Variants in SLC25A53 observed in about 807,000 individuals in gnomAD.
The protein encoded by SLC25A53 is solute carrier family 25 member 53, also known as mitochondrial carrier triple repeat protein 6.
A neutral mutation model predicts 15.0 loss-of-function variants in SLC25A53; 5 were observed. That is an observed-to-expected ratio of 0.33 (90% CI 0.17 to 0.70). The LOEUF (loss-of-function observed/expected upper bound fraction) is 0.70. SLC25A53 is among the 30% of genes least tolerant of loss of function. SLC25A53 has a pLI of 0.67. For missense variants in SLC25A53, 216 were observed against 241.6 expected (o/e 0.89, Z 0.70); for synonymous variants, 95 against 100.0 (o/e 0.95, Z 0.30).
At chrX:104,148,413 G>A (rs782610330) in intron 1 of SLC25A53, among the ~76,000 whole-genome samples, 12 of 109,431 alleles carry the variant, frequency 1.1e-4, no homozygotes, top group South Asian at 4.0e-4. Flanking sequence ...TAACAAACCC[G>A]CACGTTGTGC....
Position 104,148,586 on chromosome X carries a change from A to G in SLC25A53, c.-32+8292T>C, listed in dbSNP as rs147650497. 1.1e-3 allele frequency among the ~76,000 whole-genome samples: 126 copies of G among 111,091 alleles called. No individual in the cohort carries two copies. In the East Asian group the frequency reaches 0.033, roughly 29 times the overall value. On this transcript the variant is annotated intron_variant, in intron 1 of 1. Transcript: ENST00000594199. The stretch of plus-strand genomic sequence containing the variant: ...TTCTCAGCAAACTATCACAAGGACA[A>G]AAAACCAAACACTGCATGTTCTCAC...
chrX:104,140,322 CGTGTGTGTGTGT>C (rs55930796), intron 1 of SLC25A53, among the ~76,000 whole-genome samples: 4 of 100,893 alleles, frequency 4.0e-5, no homozygotes, highest in Non-Finnish European at 8.0e-5. Context: ...GACAGGATTC[CGTGTGTGTGTGT>C]GTGTGTGTGT....
chrX:104,156,215 A>G (rs989383910), intron 1 of SLC25A53, among the ~76,000 whole-genome samples: 15 of 111,483 alleles, frequency 1.3e-4, no homozygotes, highest in African/African-American at 4.6e-4. Flanking sequence ...TCTTCAAAAT[A>G]TATGTTAAAT....
At chrX:104,136,833 T>A (rs1307123187) in intron 1 of SLC25A53, among the ~76,000 whole-genome samples, 1 of 111,881 alleles carries the variant, frequency 8.9e-6, no homozygotes, top group Non-Finnish European at 1.9e-5. Context: ...CATTCATTCA[T>A]GCACCCAACA....
intron 1 of SLC25A53, among the ~76,000 whole-genome samples, chrX:104,143,353 G>GA (rs1303918414): frequency 1.3e-4 from 14 of 111,581 alleles, no homozygotes; most frequent in Non-Finnish European, 2.4e-4. Context: ...TAAGAACCTT[G>GA]AAAAAAGGTT....
At chrX:104,139,444 G>A (rs782654438) in intron 1 of SLC25A53, among the ~76,000 whole-genome samples, 8 of 111,149 alleles carry the variant, frequency 7.2e-5, no homozygotes, top group Non-Finnish European at 1.3e-4. Flanking sequence ...TAGAACCTGG[G>A]AGGTGGAGGT....
intron 1 of SLC25A53, among the ~76,000 whole-genome samples, chrX:104,126,712 C>T (rs1447470287): frequency 2.7e-5 from 3 of 111,521 alleles, no homozygotes; most frequent in African/African-American, 9.8e-5. Flanking sequence ...TAGAATTTCA[C>T]CAAAAAGAAT....
intron 1 of SLC25A53, among the ~76,000 whole-genome samples, chrX:104,152,306 C>T (rs1410614035): frequency 2.0e-5 from 2 of 101,588 alleles, no homozygotes; most frequent in African/African-American, 7.3e-5. Context: ...CAATTCCCAC[C>T]TGTGAGTGAG....
chrX:104,112,425 C>G (rs1457794514), intron 1 of SLC25A53: 2 of 114,060 alleles, frequency 1.8e-5, no homozygotes, highest in Non-Finnish European at 3.7e-5. Flanking sequence ...CCAGCCGGCC[C>G]GCTCCCCCTT....
chrX:104,114,532 C>T (rs2075366885), intron 1 of SLC25A53: 2 of 1,209,859 alleles, frequency 1.7e-6, no homozygotes. Context: ...CCTGCAGGCA[C>T]AAGGGGAGAA....
chrX:104,120,040 C>T (rs2075388662), intron 1 of SLC25A53, among the ~76,000 whole-genome samples: 1 of 111,974 alleles, frequency 8.9e-6, no homozygotes, highest in Non-Finnish European at 1.9e-5. Context: ...AACCTGGTTG[C>T]ATGCGGCATC....
At chrX:104,144,639 C>T (rs781822566) in intron 1 of SLC25A53, among the ~76,000 whole-genome samples, 1 of 111,428 alleles carries the variant, frequency 9.0e-6, no homozygotes, top group African/African-American at 3.3e-5. Flanking sequence ...CCTATGCTGA[C>T]GAGCCTTTGG....
At chrX:104,114,411 G>T in intron 1 of SLC25A53, 1 of 1,212,018 alleles carries the variant, frequency 8.3e-7, no homozygotes, top group Non-Finnish European at 1.1e-6. Context: ...TCATGCGTTT[G>T]CTTCAGGCGG....
chrX:104,138,981 G>T (rs1168587828), intron 1 of SLC25A53, among the ~76,000 whole-genome samples: 1 of 112,192 alleles, frequency 8.9e-6, no homozygotes, highest in Non-Finnish European at 1.9e-5. Context: ...AGGCCAGGGT[G>T]GTCTTGGGAA....
At chrX:104,109,458 G>C (rs1305565547) in intron 1 of SLC25A53, among the ~76,000 whole-genome samples, 2 of 112,379 alleles carry the variant, frequency 1.8e-5, no homozygotes, top group African/African-American at 6.5e-5. Flanking sequence ...GCTTAGCACA[G>C]CACCTGGTAT....
intron 1 of SLC25A53, among the ~76,000 whole-genome samples, chrX:104,124,970 G>C (rs1243129323): frequency 2.0e-5 from 2 of 102,228 alleles, no homozygotes; most frequent in Non-Finnish European, 3.9e-5. Flanking sequence ...AGCCTTCCTA[G>C]TAGCTGGGAT....
intron 1 of SLC25A53, among the ~76,000 whole-genome samples, chrX:104,141,728 C>T (rs782796632): frequency 9.0e-6 from 1 of 111,107 alleles, no homozygotes; most frequent in African/African-American, 3.3e-5. Flanking sequence ...GCTGGGACCA[C>T]AGGCATGCAC....
intron 1 of SLC25A53, among the ~76,000 whole-genome samples, chrX:104,142,174 G>A (rs1293781342): frequency 2.7e-5 from 3 of 111,186 alleles, no homozygotes; most frequent in Non-Finnish European, 5.7e-5. Flanking sequence ...GAGCCTGGGA[G>A]TTGAGGCTGC....
At chrX:104,115,781 A>G (rs972358810) in intron 1 of SLC25A53, 1 of 125,574 alleles carries the variant, frequency 8.0e-6, no homozygotes, top group Non-Finnish European at 1.8e-5. Context: ...TATACTGTGT[A>G]TTTTTCACCA....
Sources: allele counts gnomAD v4.1 joint callset (sites outside exome capture counted in the v4.1 genomes callset), GRCh38; gene constraint gnomAD v4.1.1; transcripts MANE v1.5; gene names NCBI Gene and HGNC (gene_info 2026-07-23, HGNC 2026-07-21).